The following GFRAL variants were observed in gnomAD, a reference collection of about 807,000 sequenced individuals.
The protein encoded by GFRAL is GDNF family receptor alpha like.
GFRAL carries 36 observed loss-of-function variants against 45.4 expected under a neutral mutation model. The ratio of observed to expected loss-of-function variants is 0.79; its 90% CI spans 0.61 to 1.05. GFRAL has a LOEUF of 1.05. Ranked by LOEUF, GFRAL falls within the 50% of genes least tolerant of loss-of-function variation. The pLI, the probability that GFRAL is intolerant of heterozygous loss-of-function variation, is 0.00. For synonymous variants in GFRAL, 166 were observed against 154.1 expected (o/e 1.08, Z -0.57); for missense variants, 507 against 467.5 (o/e 1.08, Z -0.78).
At chr6:55,392,660 G>A (rs1245572481) in intron 6 of GFRAL, among the ~76,000 whole-genome samples, 4 of 152,038 alleles carry the variant, frequency 2.6e-5, no homozygotes, top group Non-Finnish European at 4.4e-5. Context: ...TCAAACCTCA[G>A]GGTGAAAAGT....
At chr6:55,364,652 C>T (rs994582593) in intron 6 of GFRAL, among the ~76,000 whole-genome samples, 4 of 150,900 alleles carry the variant, frequency 2.7e-5, no homozygotes, top group Non-Finnish European at 4.4e-5. Flanking sequence ...CAGCTTTCTA[C>T]ATATGGCTAG....
At chr6:55,390,688 G>A (rs1479209128) in intron 6 of GFRAL, among the ~76,000 whole-genome samples, 4 of 152,012 alleles carry the variant, frequency 2.6e-5, no homozygotes, top group African/African-American at 9.7e-5. Context: ...AGCAGTTTGA[G>A]ACCAGCCTGA....
At chr6:55,360,799 C>T (rs1910121) in intron 6 of GFRAL, among the ~76,000 whole-genome samples, 151,344 of 151,976 alleles carry the variant, frequency 1, 75,363 homozygotes, top group East Asian at 1. Flanking sequence ...ATTAACCAAA[C>T]TAAACTTATA....
intron 6 of GFRAL, among the ~76,000 whole-genome samples, chr6:55,373,462 A>G (rs1324232179): frequency 6.6e-6 from 1 of 152,118 alleles, no homozygotes; most frequent in East Asian, 1.9e-4. Context: ...TAATCTCTTA[A>G]AAATGTGTTA....
At chr6:55,350,996 C>G (rs753372091) in intron 4 of GFRAL, among the ~76,000 whole-genome samples, 8 of 152,070 alleles carry the variant, frequency 5.3e-5, no homozygotes, top group Admixed American at 6.6e-5. Flanking sequence ...TTTCCTTCAG[C>G]TCAATTTTGG....
chr6:55,328,827 A>C (rs2127348914), intron 1 of GFRAL, among the ~76,000 whole-genome samples: 1 of 152,152 alleles, frequency 6.6e-6, no homozygotes, highest in African/African-American at 2.4e-5. Flanking sequence ...TTAGAACTAA[A>C]ATTATACTAT....
At chr6:55,339,185 G>A (rs1295166374) in intron 3 of GFRAL, among the ~76,000 whole-genome samples, 2 of 152,136 alleles carry the variant, frequency 1.3e-5, no homozygotes, top group Admixed American at 6.5e-5. Context: ...GTAATCTCCA[G>A]GTGGCTGGCT....
intron 6 of GFRAL, among the ~76,000 whole-genome samples, chr6:55,379,096 G>T (rs898259043): frequency 1.3e-5 from 2 of 152,010 alleles, no homozygotes; most frequent in African/African-American, 4.8e-5. Flanking sequence ...ATGAGATTAA[G>T]TGTATAAAGT....
chr6:55,392,511 A>G (rs9370416), intron 6 of GFRAL, among the ~76,000 whole-genome samples: 37,388 of 152,180 alleles, frequency 0.25, 5,427 homozygotes, highest in East Asian at 0.36. Flanking sequence ...AGCAGATTCT[A>G]AATTCTCCAT....
At chr6:55,372,439 A>T (rs1347304099) in intron 6 of GFRAL, among the ~76,000 whole-genome samples, 1 of 152,152 alleles carries the variant, frequency 6.6e-6, no homozygotes, top group Non-Finnish European at 1.5e-5. Flanking sequence ...AAGCTCCAGA[A>T]GCTCAGTGGC....
chr6:55,392,954 A>G (rs1181744458), intron 6 of GFRAL, among the ~76,000 whole-genome samples: 2 of 152,200 alleles, frequency 1.3e-5, no homozygotes, highest in Non-Finnish European at 2.9e-5. Flanking sequence ...CTTGGCTCCC[A>G]GAAAAACATA....
chr6:55,342,405 T>A (rs1455631423), intron 3 of GFRAL, among the ~76,000 whole-genome samples: 1 of 152,006 alleles, frequency 6.6e-6, no homozygotes, highest in African/African-American at 2.4e-5. Flanking sequence ...CAAACCAGAA[T>A]TTCATATCCA....
rs141544051 is a variant in GFRAL at position 55,357,870 on chromosome 6, T to C, written c.702-1018T>C. ...TGAATAAATAGCATGTAGGTACAGA[T>C]GTAGTCTCTATCTGAATGACAATCA... On this transcript the variant is annotated intron_variant, in intron 5 of 8. Transcript: ENST00000340465. 9.7e-3 allele frequency among the ~76,000 whole-genome samples: 1,475 copies of C among 151,862 alleles called. 24 individuals are homozygous for C. Among genetic ancestry groups the C allele is most frequent in the African/African-American group, 0.034 (1,399 of 41,476 alleles).
chr6:55,333,475 A>G (rs1322563854), intron 2 of GFRAL, among the ~76,000 whole-genome samples: 1 of 152,218 alleles, frequency 6.6e-6, no homozygotes, highest in East Asian at 1.9e-4. Flanking sequence ...TGCTAAGATT[A>G]GAGAGCATTC....
chr6:55,364,208 A>G (rs1376209752), intron 6 of GFRAL, among the ~76,000 whole-genome samples: 4 of 150,956 alleles, frequency 2.6e-5, no homozygotes, highest in African/African-American at 7.3e-5. Flanking sequence ...GCATTTTTTC[A>G]TGTGTTTTTT....
chr6:55,331,279 A>G (rs1767824921), intron 1 of GFRAL, among the ~76,000 whole-genome samples: 1 of 152,174 alleles, frequency 6.6e-6, no homozygotes, highest in South Asian at 2.1e-4. Context: ...AGCTATGGTC[A>G]GAAAATACAA....
intron 6 of GFRAL, among the ~76,000 whole-genome samples, chr6:55,389,939 C>T (rs1184005811): frequency 6.6e-6 from 1 of 152,204 alleles, no homozygotes; most frequent in African/African-American, 2.4e-5. Context: ...AATGATGCTG[C>T]ATCCCATACT....
At position 55,401,887 on chromosome 6, in the gene GFRAL, C is replaced by G; in HGVS notation, c.*34C>G. On this transcript the variant is annotated 3_prime_UTR_variant, in exon 9 of 9. Transcript: ENST00000340465. ...GAGTCATGGACCTATAACAATCACT[C>G]TTTTCTCTGCTTTTCTTCTTTCCTC... 9.3e-7 allele frequency: 1 copy of G among 1,080,006 alleles called. No homozygotes were observed. The highest frequency in any genetic ancestry group is 1.4e-6 in the Non-Finnish European group (1 of 698,832). The allele number at this position is 1,080,006 out of a possible 1,614,324, so 66.9% of individuals were successfully genotyped here.
intron 6 of GFRAL, 84 bp downstream of exon 6, chr6:55,359,222 A>C: frequency 8.8e-7 from 1 of 1,141,836 alleles, no homozygotes; most frequent in South Asian, 1.6e-5. Context: ...TTGCCTATAC[A>C]GTAAAAGAGG....
Sources: gnomAD v4.1 joint callset for allele counts (sites outside exome capture counted in the v4.1 genomes callset) on GRCh38, gnomAD v4.1.1 for gene constraint, MANE v1.5 for transcripts, NCBI Gene and HGNC (gene_info 2026-07-23, HGNC 2026-07-21) for gene names.